The following RNF212B variants were observed in gnomAD, a reference collection of about 807,000 sequenced individuals.
RNF212B encodes the protein ring finger protein 212B.
In RNF212B, 52 loss-of-function variants were observed where a neutral mutation model predicts 55.5. The observed-to-expected ratio is 0.94, with a 90% CI of 0.75 to 1.18. RNF212B has a LOEUF of 1.18. Among genes scored for constraint, RNF212B ranks in the 50% most tolerant of loss-of-function variants. The probability of loss-of-function intolerance (pLI) is 0.00; values close to 1 mark genes in which losing one functional copy is unlikely to be tolerated. For missense variants in RNF212B, 289 were observed against 350.4 expected (o/e 0.82, Z 1.40); for synonymous variants, 99 against 121.4 (o/e 0.82, Z 1.21).
rs1555314105 is a variant in RNF212B at position 23,229,261 on chromosome 14, T to TAC, written c.-1-11083_-1-11082dup. Among the ~76,000 whole-genome samples the TAC allele has an allele frequency of 1.5e-3, 191 of 127,194 alleles. 2 individuals are homozygous for TAC. Among genetic ancestry groups the TAC allele is most frequent in the South Asian group, 7.5e-3 (30 of 4,012 alleles). 83.4% of individuals were successfully genotyped at this position (127,194 alleles called of 152,430 possible). A position where few individuals can be genotyped will look rare whatever the true frequency, so the allele number is the denominator to read the frequency against. ...ATATATATATATATATATATATATA[T>TAC]ACCACATTGTTTATCCATTCATCTA... On this transcript the variant is annotated intron_variant, in intron 2 of 15. Coordinates refer to the RNF212B transcript ENST00000399910.
rs147193385 is a variant in RNF212B at position 23,189,481 on chromosome 14, A to G, written c.-78-3844A>G. ...TGTCTCCTGGATTATTCCTGTCAGC[A>G]TACAGATGTGCTGTAATAACTCCCA... On this transcript the variant is annotated intron_variant, in intron 1 of 15. Coordinates refer to the RNF212B transcript ENST00000399910. 5.3e-5 allele frequency among the ~76,000 whole-genome samples: 8 copies of G among 152,186 alleles called. No individual in the cohort carries two copies. The East Asian group carries it at 1.5e-3, about 29-fold the overall frequency.
chr14:23,226,356 C>T (rs1457600309), intron 2 of RNF212B, among the ~76,000 whole-genome samples: 1 of 150,734 alleles, frequency 6.6e-6, no homozygotes, highest in Non-Finnish European at 1.5e-5. Context: ...CGGGGCCGGG[C>T]GCGGTGGCTC....
At chr14:23,235,609 T>C (rs543393913), upstream of RNF212B, among the ~76,000 whole-genome samples, 1 of 152,222 alleles carries the variant, frequency 6.6e-6, no homozygotes, top group Non-Finnish European at 1.5e-5. Context: ...GGAAAACTTG[T>C]ACCTGCAACT....
chr14:23,260,134 A>G (rs1010401576), intron 6 of RNF212B, among the ~76,000 whole-genome samples, 190 bp downstream of exon 6: 2 of 152,202 alleles, frequency 1.3e-5, no homozygotes, highest in Admixed American at 6.5e-5. Flanking sequence ...GAAAGGATCA[A>G]TATATAGCAC....
chr14:23,262,377 G>C (rs1171312557), intron 7 of RNF212B, among the ~76,000 whole-genome samples: 1 of 152,202 alleles, frequency 6.6e-6, no homozygotes, highest in African/African-American at 2.4e-5. Flanking sequence ...GTATGGTTGA[G>C]AGTACTTGGT....
intron 1 of RNF212B, among the ~76,000 whole-genome samples, chr14:23,240,116 C>T (rs1883457842): frequency 6.6e-6 from 1 of 151,348 alleles, no homozygotes; most frequent in Non-Finnish European, 1.5e-5. Flanking sequence ...CACACACACA[C>T]ATTTATATAT....
At chr14:23,253,119 AT>A (rs1466126031) in intron 4 of RNF212B, among the ~76,000 whole-genome samples, 2 of 152,082 alleles carry the variant, frequency 1.3e-5, no homozygotes, top group Non-Finnish European at 2.9e-5. Context: ...ATATTACGTC[AT>A]TTCTATCTGT....
chr14:23,251,864 G>T (rs1294895957), intron 4 of RNF212B, among the ~76,000 whole-genome samples: 2 of 151,306 alleles, frequency 1.3e-5, no homozygotes, highest in Non-Finnish European at 2.9e-5. Context: ...ATAGCCAAAT[G>T]GAAAAGATGC....
Position 23,243,285 on chromosome 14 carries a change from A to C in RNF212B, c.130A>C (p.Lys44Gln). 2 of 1,550,372 alleles carry C rather than the reference A, an allele frequency of 1.3e-6. No individual in the cohort carries two copies. The highest frequency in any genetic ancestry group is 8.7e-7 in the Non-Finnish European group (1 of 1,146,986). Residue 44 changes from lysine to glutamine, a missense_variant, in exon 3 of 15, where the codon AAG (lysine) becomes CAG (glutamine). Coordinates refer to ENST00000430154, the MANE Select transcript of RNF212B (RefSeq NM_001282322.3). ...EKCAVCGTAC[K>Q]HLALSDNLKP... Reference sequence around the variant, plus strand: ...ATGTGCTGTTTGTGGAACTGCCTGCAAGCATCTGGCTCTTTCTGATAATGT... The same window carrying C: ...ATGTGCTGTTTGTGGAACTGCCTGCCAGCATCTGGCTCTTTCTGATAATGT...
chr14:23,221,778 T>A (rs1386543486), intron 2 of RNF212B, among the ~76,000 whole-genome samples: 1 of 152,142 alleles, frequency 6.6e-6, no homozygotes, highest in African/African-American at 2.4e-5. Flanking sequence ...ACTGAAATAA[T>A]ATCAGGCATC....
chr14:23,218,074 G>A (rs1881251212), intron 2 of RNF212B, among the ~76,000 whole-genome samples: 1 of 151,992 alleles, frequency 6.6e-6, no homozygotes, highest in South Asian at 2.1e-4. Flanking sequence ...AAATTCTAGA[G>A]TTGAAAATTG....
In RNF212B at chr14:23,262,913, T is replaced by C. The variant is rs1471033095; in HGVS notation, c.482-15T>C. 3.2e-6 allele frequency: 5 copies of C among 1,550,290 alleles called. No individual in the cohort carries two copies. The East Asian group carries it at 1.2e-4, about 38-fold the overall frequency. On this transcript the variant is annotated splice_polypyrimidine_tract_variant and intron_variant, in intron 8 of 14. Transcript: ENST00000430154. ...TTGATGGCAACTTTTTATTCTGTAC[T>C]TTATTCTCTTTCAGTTACCCCACGA...
intron 7 of RNF212B, chr14:23,261,267 T>G (rs1885277079): frequency 4.8e-6 from 1 of 207,154 alleles, no homozygotes. Flanking sequence ...AATGCTTGTT[T>G]GGACCAATCT....
chr14:23,266,488 C>T (rs988647216), intron 11 of RNF212B, among the ~76,000 whole-genome samples: 19 of 143,352 alleles, frequency 1.3e-4, no homozygotes, highest in Admixed American at 2.1e-4. Flanking sequence ...CTCGGCTCAC[C>T]GCAACCTCCG....
chr14:23,228,455 T>A (rs2140415798), intron 2 of RNF212B, among the ~76,000 whole-genome samples: 1 of 104,074 alleles, frequency 9.6e-6, no homozygotes, highest in South Asian at 3.6e-4. Flanking sequence ...TAAAACCCTA[T>A]CTCTACCAAA....
intron 3 of RNF212B, 60 bp from the exon 4 acceptor site, chr14:23,244,262 T>C (rs1048257739): frequency 1.1e-6 from 1 of 952,120 alleles, no homozygotes; most frequent in Middle Eastern, 2.1e-4. Flanking sequence ...GTCATGTTAG[T>C]CAGTATTTTA....
chr14:23,247,189 C>CT (rs1048802901), intron 4 of RNF212B, among the ~76,000 whole-genome samples: 201 of 147,458 alleles, frequency 1.4e-3, no homozygotes, highest in African/African-American at 4.2e-3. Context: ...ACCCCATCTA[C>CT]TTTTTTTTTT....
chr14:23,257,024 A>G (rs112665506), intron 4 of RNF212B, among the ~76,000 whole-genome samples: 60,405 of 151,642 alleles, frequency 0.4, 12,123 homozygotes, highest in East Asian at 0.42. Flanking sequence ...GTGGTGGCGG[A>G]CGCCTGTAAT....
intron 2 of RNF212B, among the ~76,000 whole-genome samples, chr14:23,225,658 G>T (rs1042577424): frequency 3.3e-4 from 50 of 152,164 alleles, no homozygotes; most frequent in Admixed American, 6.5e-4. Context: ...GGCGGGGAAG[G>T]GTAGTGGGGA....
Sources: allele counts gnomAD v4.1 joint callset (sites outside exome capture counted in the v4.1 genomes callset), GRCh38; gene constraint gnomAD v4.1.1; transcripts MANE v1.5; gene names NCBI Gene and HGNC (gene_info 2026-07-23, HGNC 2026-07-21).